Variants in DOP1A observed in about 807,000 individuals in gnomAD.
DOP1A encodes protein DOP1A.
A neutral mutation model predicts 267.6 loss-of-function variants in DOP1A; 90 were observed. The observed-to-expected ratio is 0.34, with a 90% CI of 0.28 to 0.40. DOP1A has a LOEUF of 0.40. Ranked by LOEUF, DOP1A falls within the 10% of genes least tolerant of loss-of-function variation. The pLI is 1.00. For synonymous variants in DOP1A, 932 were observed against 999.1 expected (o/e 0.93, Z 1.27); for missense variants, 2,437 against 2,900.4 (o/e 0.84, Z 3.67).
intron 1 of DOP1A, among the ~76,000 whole-genome samples, chr6:83,078,457 A>G (rs1390068376): frequency 1.3e-5 from 2 of 152,200 alleles, no homozygotes; most frequent in Admixed American, 6.5e-5. Context: ...GGTTGTTGAC[A>G]TAGTCCAGGT....
At chr6:83,124,845 T>G (rs763971710) in intron 13 of DOP1A, 26 bp downstream of exon 13, 1 of 1,537,154 alleles carries the variant, frequency 6.5e-7, no homozygotes, top group Admixed American at 1.7e-5. Flanking sequence ...TAAGAAAATA[T>G]CAAGGAAATC....
intron 1 of DOP1A, among the ~76,000 whole-genome samples, chr6:83,072,109 C>T (rs1262282516): frequency 6.6e-6 from 1 of 152,162 alleles, no homozygotes; most frequent in Non-Finnish European, 1.5e-5. Flanking sequence ...ACACCTTCTA[C>T]TCTCCTGTGG....
At chr6:83,129,579 C>T (rs1777709833) in intron 16 of DOP1A, 71 bp downstream of exon 16, 1 of 1,346,920 alleles carries the variant, frequency 7.4e-7, no homozygotes. Flanking sequence ...AAAAGAGGCA[C>T]TCAAAACTGG....
chr6:83,101,205 A>G (rs1427440157), intron 4 of DOP1A, among the ~76,000 whole-genome samples: 7 of 152,014 alleles, frequency 4.6e-5, no homozygotes, highest in Non-Finnish European at 2.9e-5. Flanking sequence ...TTTAGTAGAG[A>G]CGGGGTTTCA....
Position 83,167,906 on chromosome 6 carries a change from G to C in DOP1A, c.7137G>C (p.Glu2379Asp). Residue 2379 changes from glutamate to aspartate, a missense_variant, in exon 39 of 39, where the codon GAG becomes GAC. Glu to Asp is a conservative substitution (Grantham distance 45). This residue lies in a region of DOP1A where 197 missense variants were observed against 246.5 expected (regional missense o/e 0.80). Coordinates refer to ENST00000349129, the MANE Select transcript of DOP1A (RefSeq NM_015018.4). Reference protein sequence around the residue: ...EDNSGRTLGWEPGHLLLTICT... With the variant: ...EDNSGRTLGWDPGHLLLTICT... ...ACTCAGGGAGAACATTGGGTTGGGA[G>C]CCAGGGCACTTGCTGCTCACCATCT... is the stretch of plus-strand genomic sequence containing the variant. The C allele has an allele frequency of 6.2e-7, 1 of 1,613,640 alleles. No homozygotes were observed. Among genetic ancestry groups the C allele is most frequent in the Non-Finnish European group, 8.5e-7 (1 of 1,179,778 alleles).
At chr6:83,167,026 G>A in intron 38 of DOP1A, 5 of 985,248 alleles carry the variant, frequency 5.1e-6, no homozygotes, top group Non-Finnish European at 6.0e-6. Context: ...AATGATGTCT[G>A]TAGCTGTGTT....
chr6:83,113,596 T>C (rs1469350013), intron 7 of DOP1A, among the ~76,000 whole-genome samples, 175 bp downstream of exon 7: 2 of 152,134 alleles, frequency 1.3e-5, no homozygotes, highest in Non-Finnish European at 2.9e-5. Flanking sequence ...AAACTAAAGA[T>C]AAAAGCTTCA....
In DOP1A at chr6:83,138,879, G is replaced by C; in HGVS notation, c.4837G>C (p.Asp1613His). ...NETGFDFVVS[D>H]LEHISPHQPM... Reference sequence around the variant, plus strand: ...AACAGGTTTTGATTTTGTTGTATCTGACTTAGAACACATCAGTCCCCATCA... The same window carrying C: ...AACAGGTTTTGATTTTGTTGTATCTCACTTAGAACACATCAGTCCCCATCA... Residue 1613 changes from aspartate to histidine, a missense_variant, in exon 21 of 39, where the codon GAC becomes CAC. Asp to His is a moderately conservative substitution (Grantham distance 81). Around this residue, in one of 9 missense-constraint regions of DOP1A, gnomAD observed 878 missense variants for 992.9 expected, o/e 0.88. Coordinates refer to ENST00000349129, the MANE Select transcript of DOP1A (RefSeq NM_015018.4). 1 of 1,613,972 alleles carries C rather than the reference G, an allele frequency of 6.2e-7. No individual in the cohort carries two copies. The highest frequency in any genetic ancestry group is 8.5e-7 in the Non-Finnish European group (1 of 1,179,936).
downstream of DOP1A, chr6:83,170,577 A>C (rs1359146298): frequency 1.0e-5 from 9 of 900,600 alleles, no homozygotes; most frequent in Admixed American, 2.1e-4. Context: ...GACTAAATAT[A>C]AAATTACATT....
At chr6:83,133,757 T>A (rs981106572) in intron 18 of DOP1A, among the ~76,000 whole-genome samples, 6 of 152,088 alleles carry the variant, frequency 3.9e-5, no homozygotes, top group South Asian at 2.1e-4. Flanking sequence ...GAAAAACTCA[T>A]TTGGGATTAA....
In DOP1A at chr6:83,122,979, G is replaced by T; in HGVS notation, c.1337G>T (p.Cys446Phe). 6.3e-7 allele frequency: 1 copy of T among 1,578,896 alleles called. No homozygotes were observed. The highest frequency in any genetic ancestry group is 8.6e-7 in the Non-Finnish European group (1 of 1,168,330). The change falls in exon 12 of 39, where the codon TGT (cysteine) becomes TTT (phenylalanine). Residue 446 changes from cysteine (C) to phenylalanine (F), a missense_variant. Coordinates refer to ENST00000349129, the MANE Select transcript of DOP1A (RefSeq NM_015018.4). ...GTTGCACGCTGGTTTGAAGAATGTT[G>T]TAGGTATGTTAAACTTTCATTCCTT... is the stretch of plus-strand genomic sequence containing the variant. ...DYVARWFEEC[C>F]RRTLHVRLQI... is the part of the protein sequence containing the mutation.
At chr6:83,145,484 TATATAC>T in intron 24 of DOP1A, 34 bp from the exon 25 acceptor site, 1 of 1,505,820 alleles carries the variant, frequency 6.6e-7, no homozygotes, top group Non-Finnish European at 8.9e-7. Context: ...CTAAAAGACT[TATATAC>T]ATACATACAT....
intron 4 of DOP1A, among the ~76,000 whole-genome samples, chr6:83,101,510 G>T (rs908091789): frequency 6.6e-6 from 1 of 152,108 alleles, no homozygotes; most frequent in African/African-American, 2.4e-5. Context: ...TGATCTCTCA[G>T]CAACTTTCAA....
intron 1 of DOP1A, among the ~76,000 whole-genome samples, chr6:83,085,945 A>C (rs1769143557): frequency 6.6e-6 from 1 of 152,194 alleles, no homozygotes. Flanking sequence ...ACTCTCAAGA[A>C]TAGAAGCAGG....
intron 17 of DOP1A, among the ~76,000 whole-genome samples, chr6:83,130,743 GCTTTT>G (rs1034936292): frequency 9.9e-5 from 15 of 151,862 alleles, no homozygotes; most frequent in African/African-American, 3.1e-4. Flanking sequence ...CAACACTTTT[GCTTTT>G]CTTTTTTTTT....
chr6:83,076,926 A>G (rs1562265759), intron 1 of DOP1A, among the ~76,000 whole-genome samples: 1 of 152,236 alleles, frequency 6.6e-6, no homozygotes. Flanking sequence ...AGAATGAAAT[A>G]TTACTAAGCC....
Position 83,138,413 on chromosome 6 carries a change from T to G in DOP1A, c.4371T>G (p.Ile1457Met), listed in dbSNP as rs747808961. The G allele has an allele frequency of 1.2e-6, 2 of 1,611,476 alleles. No homozygotes were observed. Among genetic ancestry groups the G allele is most frequent in the Non-Finnish European group, 1.7e-6 (2 of 1,179,838 alleles). Residue 1457 changes from isoleucine to methionine, a missense_variant, in exon 21 of 39, where the codon ATT (isoleucine) becomes ATG (methionine). By Grantham distance (10) the Ile-to-Met change is conservative. Around this residue, in one of 9 missense-constraint regions of DOP1A, gnomAD observed 878 missense variants for 992.9 expected, o/e 0.88. Coordinates refer to ENST00000349129, the MANE Select transcript of DOP1A (RefSeq NM_015018.4). ...GTTCTATGTACATAGAAATTCTTAT[T>G]TCTCTCTGCTTATATTACATGCGTA... ...FRSSMYIEIL[I>M]SLCLYYMRSH... is the part of the protein sequence containing the mutation.
chr6:83,124,452 A>G (rs1776816540), intron 12 of DOP1A, among the ~76,000 whole-genome samples: 1 of 152,164 alleles, frequency 6.6e-6, no homozygotes, highest in South Asian at 2.1e-4. Context: ...TAAGTCCCAG[A>G]AAGTGAGATC....
chr6:83,080,359 C>G (rs73481099), intron 1 of DOP1A, among the ~76,000 whole-genome samples: 2,621 of 152,242 alleles, frequency 0.017, 91 homozygotes, highest in African/African-American at 0.059. Flanking sequence ...ATTAAACTAT[C>G]AGTGATGTTC....
Sources: gnomAD v4.1 joint callset for allele counts (sites outside exome capture counted in the v4.1 genomes callset) on GRCh38, gnomAD v4.1.1 for gene constraint, gnomAD v4.1.1 regional missense constraint, MANE v1.5 for transcripts, NCBI Gene and HGNC (gene_info 2026-07-23, HGNC 2026-07-21) for gene names.